The following PCDHA4 variants were observed in gnomAD, a reference collection of about 807,000 sequenced individuals.
PCDHA4 encodes protocadherin alpha 4, also known as protocadherin alpha-4.
A neutral mutation model predicts 61.4 loss-of-function variants in PCDHA4; 49 were observed. The observed-to-expected ratio is 0.80, with a 90% confidence interval of 0.63 to 1.01. PCDHA4 has a LOEUF of 1.01. Ranked by LOEUF, PCDHA4 falls within the 50% of genes least tolerant of loss-of-function variation. PCDHA4 has a pLI of 0.00. For missense variants in PCDHA4, 1,254 were observed against 1,235.8 expected (o/e 1.01, Z -0.22); for synonymous variants, 590 against 550.3 (o/e 1.07, Z -1.01).
chr5:140,929,285 T>C, intron 1 of PCDHA4: 15 of 1,600,688 alleles, frequency 9.4e-6, no homozygotes, highest in Non-Finnish European at 1.3e-5. Flanking sequence ...TGTATTCAGA[T>C]TCGGAATAGG....
intron 1 of PCDHA4, among the ~76,000 whole-genome samples, chr5:140,933,883 T>C (rs376864592): frequency 1.3e-5 from 2 of 152,084 alleles, no homozygotes; most frequent in East Asian, 1.9e-4. Context: ...GTTTTATCTG[T>C]ACTTTTGAAT....
chr5:140,961,571 A>AT (rs2095622432), intron 1 of PCDHA4, among the ~76,000 whole-genome samples: 1 of 152,076 alleles, frequency 6.6e-6, no homozygotes. Flanking sequence ...TTTTGTTTTG[A>AT]TAAGCATTTA....
intron 1 of PCDHA4, chr5:140,969,060 A>T (rs2096292130): frequency 6.2e-7 from 1 of 1,614,012 alleles, no homozygotes. Context: ...AACAATATTG[A>T]TGCCAGGATA....
intron 1 of PCDHA4, chr5:140,969,215 C>T: frequency 6.2e-7 from 1 of 1,614,128 alleles, no homozygotes; most frequent in East Asian, 2.2e-5. Flanking sequence ...CCAGACAGGA[C>T]CAGGGCCTTC....
chr5:140,959,834 G>A (rs1223310946), intron 1 of PCDHA4, among the ~76,000 whole-genome samples: 1 of 152,144 alleles, frequency 6.6e-6, no homozygotes, highest in African/African-American at 2.4e-5. Context: ...AATGTATTAT[G>A]CCTGTAACTG....
In PCDHA4 at chr5:140,869,280, G is replaced by A. The variant is rs1294171258; in HGVS notation, c.2385+59708G>A. 8 of 1,613,486 alleles carry A rather than the reference G, an allele frequency of 5.0e-6. No individual in the cohort carries two copies. In the African/African-American group the frequency reaches 8.0e-5, roughly 16 times the overall value. On this transcript the variant is annotated intron_variant, in intron 1 of 3. Transcript: ENST00000530339. ...ACCTGGGGCTGGAGCTGGCGGAGCT[G>A]GTGCAGCGCCTGTTCCGGGTGGCGT...
intron 2 of PCDHA4, among the ~76,000 whole-genome samples, chr5:140,981,613 G>C (rs1279038280): frequency 6.6e-6 from 1 of 152,056 alleles, no homozygotes; most frequent in Non-Finnish European, 1.5e-5. Flanking sequence ...CTCTAATTTT[G>C]ATGAGGGTTT....
chr5:140,851,536 A>C (rs1051991921), intron 1 of PCDHA4: 1 of 906,438 alleles, frequency 1.1e-6, no homozygotes, highest in African/African-American at 1.8e-5. Context: ...GACAATGTAG[A>C]TAATTCAAGA....
chr5:140,980,360 G>A (rs1173525969), intron 2 of PCDHA4, among the ~76,000 whole-genome samples: 4 of 152,142 alleles, frequency 2.6e-5, no homozygotes, highest in Middle Eastern at 3.2e-3. Context: ...GACTGGGCGC[G>A]GTGGCTCACA....
At chr5:140,836,998 G>A (rs2150272095) in intron 1 of PCDHA4, 32 of 336,008 alleles carry the variant, frequency 9.5e-5, no homozygotes, top group Non-Finnish European at 1.5e-4. Flanking sequence ...TTGCTAACTG[G>A]AGCAATGGAT....
At chr5:140,966,825 T>C in intron 1 of PCDHA4, 3 of 1,560,026 alleles carry the variant, frequency 1.9e-6, no homozygotes, top group Non-Finnish European at 2.6e-6. Flanking sequence ...CGGCGGCCCA[T>C]GCCCTGGCTG....
At chr5:140,980,350 G>T (rs1382723470) in intron 2 of PCDHA4, among the ~76,000 whole-genome samples, 1 of 152,128 alleles carries the variant, frequency 6.6e-6, no homozygotes, top group Admixed American at 6.5e-5. Context: ...TAACTTCCTG[G>T]ACTGGGCGCG....
intron 1 of PCDHA4, among the ~76,000 whole-genome samples, chr5:140,892,327 C>T (rs1399330185): frequency 6.6e-6 from 1 of 152,154 alleles, no homozygotes; most frequent in Non-Finnish European, 1.5e-5. Flanking sequence ...TTTCTTTCTC[C>T]AGAATGGATT....
intron 1 of PCDHA4, chr5:140,810,660 TTTTTC>T (rs1231337141): frequency 6.7e-5 from 9 of 133,380 alleles, no homozygotes; most frequent in African/African-American, 9.1e-5. Context: ...TAGTCTGTTG[TTTTTC>T]TTTTCTTTTT....
At chr5:140,919,404 T>C (rs1554199054) in intron 1 of PCDHA4, among the ~76,000 whole-genome samples, 1 of 152,218 alleles carries the variant, frequency 6.6e-6, no homozygotes, top group African/African-American at 2.4e-5. Context: ...TCCTAAAAAC[T>C]CTAGACTGAC....
At chr5:140,861,135 G>A (rs1182257816) in intron 1 of PCDHA4, 1 of 153,800 alleles carries the variant, frequency 6.5e-6, no homozygotes, top group East Asian at 1.9e-4. Context: ...AGACCACTTG[G>A]AACCTCAGGA....
At chr5:140,977,140 G>A (rs2096748068) in intron 1 of PCDHA4, among the ~76,000 whole-genome samples, 1 of 152,202 alleles carries the variant, frequency 6.6e-6, no homozygotes, top group Non-Finnish European at 1.5e-5. Context: ...GGTCAGTCCT[G>A]CTGGAACTGT....
intron 1 of PCDHA4, chr5:140,829,807 T>G (rs146736705): frequency 5.0e-6 from 8 of 1,613,716 alleles, no homozygotes; most frequent in Non-Finnish European, 6.8e-6. Flanking sequence ...GGGTGGGTGG[T>G]ACTGGTGGTG....
In PCDHA4 at chr5:140,823,956, C is replaced by G. The variant is rs2150130724; in HGVS notation, c.2385+14384C>G. ...CGCTGCGGTGCTCGGCGCAGCCCAC[C>G]GAGGCCGTGTGCACACGGGGCAAGC... On this transcript the variant is annotated intron_variant, in intron 1 of 3. Transcript: ENST00000530339. The G allele has an allele frequency of 3.7e-6, 6 of 1,613,908 alleles. No individual in the cohort carries two copies. In the African/African-American group the frequency reaches 6.7e-5, roughly 18 times the overall value.
Sources: allele counts gnomAD v4.1 joint callset (sites outside exome capture counted in the v4.1 genomes callset), GRCh38; gene constraint gnomAD v4.1.1; transcripts MANE v1.5; gene names NCBI Gene and HGNC (gene_info 2026-07-23, HGNC 2026-07-21).